The following PLEKHH2 variants were observed in gnomAD, a reference collection of about 807,000 sequenced individuals.
The protein encoded by PLEKHH2 is pleckstrin homology, MyTH4 and FERM domain containing H2, also known as pleckstrin homology domain-containing family H member 2.
PLEKHH2 carries 129 observed loss-of-function variants against 187.9 expected under a neutral mutation model. The observed-to-expected ratio is 0.69, with a 90% CI of 0.59 to 0.79. The LOEUF is 0.79. PLEKHH2 is among the 30% of genes least tolerant of loss of function. PLEKHH2 has a pLI of 0.00. For synonymous variants in PLEKHH2, 686 were observed against 605.6 expected, an observed-to-expected ratio of 1.13 and a Z score of -1.95; for missense variants, 2,076 against 1,751.2, an observed-to-expected ratio of 1.19 and a Z score of -3.31.
At chr2:43,656,086 G>C (rs968298194) in intron 2 of PLEKHH2, among the ~76,000 whole-genome samples, 1 of 151,920 alleles carries the variant, frequency 6.6e-6, no homozygotes, top group African/African-American at 2.4e-5. Context: ...AGCCTCCCGA[G>C]TAGCTGGGAC....
At chr2:43,749,539 G>A (rs1671924110) in intron 24 of PLEKHH2, among the ~76,000 whole-genome samples, 1 of 152,124 alleles carries the variant, frequency 6.6e-6, no homozygotes, top group Non-Finnish European at 1.5e-5. Flanking sequence ...TTTTAAAAGA[G>A]AGAATTGTGA....
At chr2:43,678,989 C>A (rs1010795980) in intron 3 of PLEKHH2, 64 bp downstream of exon 3, 1 of 1,132,514 alleles carries the variant, frequency 8.8e-7, no homozygotes, top group Non-Finnish European at 1.3e-6. Flanking sequence ...TTGTTTTGCT[C>A]ATAATGGAAA....
At chr2:43,681,221 A>G in intron 3 of PLEKHH2, 4 of 658,058 alleles carry the variant, frequency 6.1e-6, no homozygotes, top group Middle Eastern at 3.7e-4. Flanking sequence ...TTCTCCATGT[A>G]TTATTAAAGC....
intron 2 of PLEKHH2, among the ~76,000 whole-genome samples, chr2:43,650,028 C>G (rs116726517): frequency 0.011 from 1,698 of 152,114 alleles, 30 homozygotes; most frequent in Non-Finnish European, 0.013. Context: ...GTAAATTAAG[C>G]ACTTAGAATT....
chr2:43,686,971 T>G (rs1668551639), intron 3 of PLEKHH2, among the ~76,000 whole-genome samples: 1 of 95,534 alleles, frequency 1.0e-5, no homozygotes. Flanking sequence ...CCCCCTTCTC[T>G]CTATATATAT....
chr2:43,695,252 GT>G (rs1296339774), intron 6 of PLEKHH2, 28 bp downstream of exon 6: 1 of 1,375,552 alleles, frequency 7.3e-7, no homozygotes, highest in African/African-American at 1.4e-5. Context: ...AGATAGCTTA[GT>G]TGGATTTATT....
At position 43,681,629 on chromosome 2, in the gene PLEKHH2, A is replaced by AT; in HGVS notation, c.186+2709dup. 8.9e-6 allele frequency: 6 copies of AT among 674,514 alleles called. No individual in the cohort carries two copies. The Admixed American group carries it at 1.5e-4, about 16-fold the overall frequency. 41.8% of individuals were successfully genotyped at this position (674,514 alleles called of 1,614,324 possible). A position where few individuals can be genotyped will look rare whatever the true frequency, so the allele number is the denominator to read the frequency against. On this transcript the variant is annotated intron_variant, in intron 3 of 29. Transcript: ENST00000282406. ...CTGTACACGATATGACACAATATGC[A>AT]TTTTTGTTCTCCTACCATAGTGACC...
chr2:43,690,345 A>G, intron 3 of PLEKHH2, among the ~76,000 whole-genome samples: 1 of 150,762 alleles, frequency 6.6e-6, no homozygotes, highest in Admixed American at 6.6e-5. Context: ...TTCTTCTTCA[A>G]CTTTTTTTTT....
chr2:43,742,495 G>A (rs1671610347), intron 21 of PLEKHH2, among the ~76,000 whole-genome samples: 1 of 152,060 alleles, frequency 6.6e-6, no homozygotes, highest in Non-Finnish European at 1.5e-5. Flanking sequence ...TTCAGCTTGT[G>A]ACTATAATAA....
At chr2:43,671,200 T>C (rs577604973) in intron 2 of PLEKHH2, among the ~76,000 whole-genome samples, 1 of 152,086 alleles carries the variant, frequency 6.6e-6, no homozygotes, top group Non-Finnish European at 1.5e-5. Flanking sequence ...TTGGCCAGGC[T>C]GGTCTAGAAC....
At chr2:43,659,607 G>C (rs1439225523) in intron 2 of PLEKHH2, among the ~76,000 whole-genome samples, 1 of 150,118 alleles carries the variant, frequency 6.7e-6, no homozygotes, top group Non-Finnish European at 1.5e-5. Context: ...CACTGCACTG[G>C]AGTGCAGTGG....
intron 11 of PLEKHH2, among the ~76,000 whole-genome samples, chr2:43,707,956 G>A (rs1409828509): frequency 1.3e-5 from 2 of 152,152 alleles, no homozygotes; most frequent in African/African-American, 4.8e-5. Context: ...CATTTACTTG[G>A]AATATGTCTA....
Position 43,700,086 on chromosome 2 carries a change from A to C in PLEKHH2, c.1128A>C (p.Lys376Asn). Reference protein sequence around the residue: ...PLGKGNSELSKKEQDSSSDEL... With the variant: ...PLGKGNSELSNKEQDSSSDEL... ...GAAAGGGAAATTCTGAATTAAGTAA[A>C]AAGGAACAAGATAGTTCCTCGGATG... Residue 376 changes from lysine (K) to asparagine (N), a missense_variant, in exon 8 of 30, where the codon AAA (lysine) becomes AAC (asparagine). Lys to Asn is a moderately conservative substitution (Grantham distance 94, BLOSUM62 0). Transcript: ENST00000282406. 1.9e-6 allele frequency: 3 copies of C among 1,614,176 alleles called. No homozygotes were observed. In the African/African-American group the frequency reaches 4.0e-5, roughly 22 times the overall value.
At chr2:43,722,723 T>A (rs899998801) in intron 16 of PLEKHH2, among the ~76,000 whole-genome samples, 2 of 152,218 alleles carry the variant, frequency 1.3e-5, no homozygotes, top group African/African-American at 4.8e-5. Context: ...ATCACAGTAA[T>A]ATGGATGGTT....
intron 3 of PLEKHH2, among the ~76,000 whole-genome samples, chr2:43,687,161 A>G (rs1668563774): frequency 6.6e-6 from 1 of 152,120 alleles, no homozygotes; most frequent in African/African-American, 2.4e-5. Flanking sequence ...TCCCTGTCTC[A>G]TAGTCCTCAG....
At chr2:43,670,075 A>G (rs1388981989) in intron 2 of PLEKHH2, among the ~76,000 whole-genome samples, 1 of 152,236 alleles carries the variant, frequency 6.6e-6, no homozygotes, top group Non-Finnish European at 1.5e-5. Flanking sequence ...ACCCACTTCA[A>G]GGCATATTTT....
In PLEKHH2 at chr2:43,764,314, T is replaced by C; in HGVS notation, c.4245T>C (p.His1415=). The C allele has an allele frequency of 6.2e-7, 1 of 1,611,312 alleles. No individual in the cohort carries two copies. The highest frequency in any genetic ancestry group is 8.5e-7 in the Non-Finnish European group (1 of 1,178,398). Residue 1415 remains histidine, a synonymous_variant, in exon 29 of 30, where the codon CAT becomes CAC. Transcript: ENST00000282406. ...DDFMVVINNT[H]SKDKPTEKLL... is the part of the protein sequence containing the mutation. ...TTATGGTAGTCATTAACAATACACA[T>C]TCAAAGGACAAACCAACAGAGAAAT...
chr2:43,651,619 T>C (rs1224691442), intron 2 of PLEKHH2, among the ~76,000 whole-genome samples: 2 of 152,206 alleles, frequency 1.3e-5, no homozygotes, highest in African/African-American at 4.8e-5. Flanking sequence ...TGTATAACTA[T>C]ACACTGTGTG....
At chr2:43,695,721 T>C (rs1669053131) in intron 6 of PLEKHH2, among the ~76,000 whole-genome samples, 1 of 152,106 alleles carries the variant, frequency 6.6e-6, no homozygotes, top group Non-Finnish European at 1.5e-5. Flanking sequence ...CCACACAAGA[T>C]AGTGAGTTAG....
Sources: gnomAD v4.1 joint callset for allele counts (sites outside exome capture counted in the v4.1 genomes callset) on GRCh38, gnomAD v4.1.1 for gene constraint, MANE v1.5 for transcripts, NCBI Gene and HGNC (gene_info 2026-07-23, HGNC 2026-07-21) for gene names.